Variants in LRRC4C observed in about 807,000 individuals in gnomAD.
The protein encoded by LRRC4C is leucine-rich repeat-containing protein 4C.
Under a neutral mutation model 33.6 loss-of-function variants are expected in LRRC4C, and 5 were observed. That is an observed-to-expected ratio of 0.15 (90% CI 0.08 to 0.31). The LOEUF (loss-of-function observed/expected upper bound fraction) is 0.31, where lower values mean the gene tolerates loss of function less well. LRRC4C is among the 10% of genes least tolerant of loss of function. The pLI is 1.00. For synonymous variants in LRRC4C, 329 were observed against 302.0 expected, an observed-to-expected ratio of 1.09 and a Z score of -0.93; for missense variants, 560 against 796.7, an observed-to-expected ratio of 0.70 and a Z score of 3.58.
chr11:41,026,845 A>G (rs933673051), intron 1 of LRRC4C, among the ~76,000 whole-genome samples: 5 of 151,684 alleles, frequency 3.3e-5, no homozygotes, highest in Admixed American at 2.6e-4. Flanking sequence ...TTCAGACAGA[A>G]TGTTACTGCA....
At chr11:41,116,593 C>T (rs1359378278) in intron 1 of LRRC4C, among the ~76,000 whole-genome samples, 1 of 151,952 alleles carries the variant, frequency 6.6e-6, no homozygotes, top group African/African-American at 2.4e-5. Context: ...ATAGTATTTA[C>T]TACGGTCATT....
chr11:41,007,372 T>C (rs914764038), intron 1 of LRRC4C, among the ~76,000 whole-genome samples: 2 of 107,264 alleles, frequency 1.9e-5, no homozygotes, highest in African/African-American at 7.8e-5. Flanking sequence ...AATGCTTTCT[T>C]TTTTTTTTAA....
chr11:40,417,639 AC>A (rs1950377054), intron 3 of LRRC4C, among the ~76,000 whole-genome samples: 1 of 152,266 alleles, frequency 6.6e-6, no homozygotes, highest in African/African-American at 2.4e-5. Flanking sequence ...AGCATGAGCC[AC>A]CATGCCTGGC....
intron 3 of LRRC4C, among the ~76,000 whole-genome samples, chr11:40,530,561 G>A (rs1456091433): frequency 2.0e-5 from 3 of 152,148 alleles, no homozygotes; most frequent in Admixed American, 2.0e-4. Context: ...AGGACCCTCA[G>A]TAACTATAGA....
At position 40,636,824 on chromosome 11, in the gene LRRC4C, T is replaced by G. The variant is rs1235118368; in HGVS notation, c.-270+11318A>C. 2.0e-5 allele frequency among the ~76,000 whole-genome samples: 3 copies of G among 152,144 alleles called. 1 individual carries two copies. The highest frequency in any genetic ancestry group is 4.1e-4 in the South Asian group (2 of 4,822). On this transcript the variant is annotated intron_variant, in intron 3 of 6. Transcript: ENST00000528697. Reference sequence around the variant, plus strand: ...TGGGAATCTCAGTCCCATCTCACATTGCTTAGGAAATGTTCACTCACTCTG... The same window carrying G: ...TGGGAATCTCAGTCCCATCTCACATGGCTTAGGAAATGTTCACTCACTCTG...
chr11:40,694,358 G>T lies in LRRC4C; in HGVS notation c.-406-46080C>A, dbSNP rs569792975. 2.0e-5 allele frequency among the ~76,000 whole-genome samples: 3 copies of T among 151,922 alleles called. No homozygotes were observed. The East Asian group carries it at 5.8e-4, about 29-fold the overall frequency. On this transcript the variant is annotated intron_variant, in intron 2 of 6. Coordinates refer to ENST00000528697, the MANE Select transcript of LRRC4C (RefSeq NM_001258419.2). ...GGCTGCTTTCTTTCCTGGCTATTTC[G>T]TTTTTACCCTCTGTGGAAATCATCT...
At chr11:40,463,612 C>T (rs962952397) in intron 3 of LRRC4C, among the ~76,000 whole-genome samples, 5 of 151,910 alleles carry the variant, frequency 3.3e-5, no homozygotes, top group African/African-American at 1.2e-4. Context: ...AGAATTTTGG[C>T]AATTCTTTTC....
In LRRC4C at chr11:40,797,502, G is replaced by T. The variant is rs183782609; in HGVS notation, c.-407+136133C>A. Among the ~76,000 whole-genome samples, 20 of 152,218 alleles carry T rather than the reference G, an allele frequency of 1.3e-4. No individual in the cohort carries two copies. In the East Asian group the frequency reaches 1.7e-3, roughly 13 times the overall value. On this transcript the variant is annotated intron_variant, in intron 2 of 6. Coordinates refer to ENST00000528697, the MANE Select transcript of LRRC4C (RefSeq NM_001258419.2). ...ACGAGAGTCTTAAAGACTATCTGCA[G>T]TTAGTAGGTTAGGAAAACAAGAACA...
chr11:41,457,430 A>G (rs1956204160), intron 1 of LRRC4C, among the ~76,000 whole-genome samples: 1 of 152,176 alleles, frequency 6.6e-6, no homozygotes, highest in South Asian at 2.1e-4. Flanking sequence ...GAGCTTGGAG[A>G]GCCTCCAATA....
At chr11:41,256,326 C>T (rs930064029) in intron 1 of LRRC4C, among the ~76,000 whole-genome samples, 3 of 151,980 alleles carry the variant, frequency 2.0e-5, no homozygotes, top group African/African-American at 7.2e-5. Flanking sequence ...CAGGAAGTAA[C>T]ACACTATTGT....
At chr11:41,351,547 T>G (rs1347419565) in intron 1 of LRRC4C, among the ~76,000 whole-genome samples, 1 of 152,058 alleles carries the variant, frequency 6.6e-6, no homozygotes, top group African/African-American at 2.4e-5. Flanking sequence ...AGTCATCAGA[T>G]TCTCCAAGAT....
At chr11:40,560,469 T>TG (rs577726647) in intron 3 of LRRC4C, among the ~76,000 whole-genome samples, 19 of 150,226 alleles carry the variant, frequency 1.3e-4, no homozygotes, top group African/African-American at 4.1e-4. Context: ...TGTGTGTGTG[T>TG]TATCTGTATT....
At chr11:41,425,684 CAA>C (rs762862073) in intron 1 of LRRC4C, among the ~76,000 whole-genome samples, 5 of 152,026 alleles carry the variant, frequency 3.3e-5, no homozygotes, top group Non-Finnish European at 7.4e-5. Flanking sequence ...TTTTCATTTT[CAA>C]AGTGTTTAAC....
At chr11:40,843,337 G>C (rs767315878) in intron 2 of LRRC4C, among the ~76,000 whole-genome samples, 7 of 152,172 alleles carry the variant, frequency 4.6e-5, no homozygotes, top group Middle Eastern at 3.4e-3. Flanking sequence ...CTCCTCGCAG[G>C]CATCTGAAAA....
intron 1 of LRRC4C, among the ~76,000 whole-genome samples, chr11:41,351,481 G>A (rs947275167): frequency 9.9e-5 from 12 of 121,802 alleles, no homozygotes; most frequent in Non-Finnish European, 1.8e-4. Context: ...GAAAATTCAG[G>A]AAACTCAAAG....
chr11:40,324,358 G>A (rs1017198338), intron 3 of LRRC4C, among the ~76,000 whole-genome samples: 20 of 152,180 alleles, frequency 1.3e-4, no homozygotes, highest in Non-Finnish European at 2.4e-4. Context: ...GTCAAAAGAG[G>A]CCTTAGTAAA....
intron 1 of LRRC4C, among the ~76,000 whole-genome samples, chr11:41,192,621 A>G (rs969155684): frequency 2.6e-5 from 4 of 152,110 alleles, no homozygotes; most frequent in African/African-American, 9.7e-5. Context: ...AAAACCTTGC[A>G]TATTTTGAAA....
At chr11:40,716,440 A>G (rs1946721127) in intron 2 of LRRC4C, among the ~76,000 whole-genome samples, 2 of 152,176 alleles carry the variant, frequency 1.3e-5, no homozygotes, top group South Asian at 4.1e-4. Flanking sequence ...TGCAGCTTCC[A>G]TAAAAACAAC....
rs1394530036 is a variant in LRRC4C at position 40,527,454 on chromosome 11, G to GA, written c.-270+120687dup. Among the ~76,000 whole-genome samples, 5 of 152,140 alleles carry GA rather than the reference G, an allele frequency of 3.3e-5. No individual in the cohort carries two copies. In the East Asian group the frequency reaches 7.7e-4, roughly 24 times the overall value. ...TCAGATGGCACTGATGTAAGAAAGT[G>GA]AAAAAAATGGGCAAAATAAGGATAT... On this transcript the variant is annotated intron_variant, in intron 3 of 6. Coordinates refer to ENST00000528697, the MANE Select transcript of LRRC4C (RefSeq NM_001258419.2).
Sources: gnomAD v4.1 joint callset for allele counts (sites outside exome capture counted in the v4.1 genomes callset) on GRCh38, gnomAD v4.1.1 for gene constraint, MANE v1.5 for transcripts, NCBI Gene and HGNC (gene_info 2026-07-23, HGNC 2026-07-21) for gene names.